The following BCAS3 variants were observed in gnomAD, a reference collection of about 807,000 sequenced individuals.
The protein encoded by BCAS3 is BCAS3 microtubule associated cell migration factor, also known as BCAS4/BCAS3 fusion.
Under a neutral mutation model 116.1 loss-of-function variants are expected in BCAS3, and 53 were observed. That is an observed-to-expected ratio of 0.46 (90% CI 0.37 to 0.57). The LOEUF (loss-of-function observed/expected upper bound fraction) is 0.57, where lower values mean the gene tolerates loss of function less well. BCAS3 is among the 20% of genes least tolerant of loss of function. The pLI is 0.00. For missense variants in BCAS3, 917 were observed against 1,165.4 expected (o/e 0.79, Z 3.10); for synonymous variants, 391 against 408.2 (o/e 0.96, Z 0.51).
At chr17:60,897,592 G>C (rs1301231451) in intron 10 of BCAS3, among the ~76,000 whole-genome samples, 1 of 151,934 alleles carries the variant, frequency 6.6e-6, no homozygotes, top group South Asian at 2.1e-4. Flanking sequence ...TAATGTCTTC[G>C]CTTATTTTTA....
intron 10 of BCAS3, among the ~76,000 whole-genome samples, chr17:60,895,327 G>T (rs773307129): frequency 6.6e-6 from 1 of 152,080 alleles, no homozygotes; most frequent in Non-Finnish European, 1.5e-5. Flanking sequence ...TTTCCTCTAG[G>T]TTTTTCAGAT....
rs904365179 is a variant in BCAS3, at chr17:61,019,227, G to C, written c.1637+3326G>C. Among the ~76,000 whole-genome samples, 1 of 152,174 alleles carries C rather than the reference G, an allele frequency of 6.6e-6. No individual in the cohort carries two copies. Among genetic ancestry groups the C allele is most frequent in the Non-Finnish European group, 1.5e-5 (1 of 68,032 alleles). On this transcript the variant is annotated intron_variant, in intron 16 of 23. Coordinates refer to ENST00000407086, the MANE Select transcript of BCAS3 (RefSeq NM_017679.5). This position sits in a 1 kb window ranked among gnomAD's most constrained non-coding sequence, Gnocchi z 5.6. ...CATCGGCATTAGATTCTCGTTAAGA[G>C]TGCAAACCCTATTGTTGTGAACTAC...
intron 7 of BCAS3, among the ~76,000 whole-genome samples, chr17:60,831,014 G>A (rs539047389): frequency 2.0e-5 from 3 of 152,172 alleles, no homozygotes; most frequent in African/African-American, 7.2e-5. Flanking sequence ...TGGGACTACA[G>A]GTGTGTCCCA....
chr17:61,070,261 G>C (rs192870774), intron 19 of BCAS3: 188 of 1,483,258 alleles, frequency 1.3e-4, no homozygotes, highest in Non-Finnish European at 1.6e-4. Flanking sequence ...GATTTGGCCT[G>C]ATGGAGAGAA....
In BCAS3 at chr17:60,814,160, G is replaced by A. The variant is rs191362291; in HGVS notation, c.476+6084G>A. On this transcript the variant is annotated intron_variant, in intron 7 of 23. Coordinates refer to ENST00000407086, the MANE Select transcript of BCAS3 (RefSeq NM_017679.5). The stretch of plus-strand genomic sequence containing the variant: ...CAATATTTATTCTTCCAATCCATGA[G>A]CATAGAATGTTTTTCCATTTGTTTG... Among the ~76,000 whole-genome samples the A allele has an allele frequency of 3.6e-3, 544 of 152,158 alleles. 3 individuals carry two copies. The highest frequency in any genetic ancestry group is 0.013 in the African/African-American group (525 of 41,520).
chr17:61,237,123 T>C (rs2083122628), intron 22 of BCAS3, among the ~76,000 whole-genome samples: 1 of 152,208 alleles, frequency 6.6e-6, no homozygotes, highest in South Asian at 2.1e-4. Flanking sequence ...GCTGGACTTC[T>C]GGGTAGAGTG....
At chr17:61,223,284 A>G (rs1054616771) in intron 22 of BCAS3, among the ~76,000 whole-genome samples, 3 of 148,638 alleles carry the variant, frequency 2.0e-5, no homozygotes, top group Non-Finnish European at 3.0e-5. Context: ...CAGCCCCCCA[A>G]TAGCTGGGAT....
chr17:61,376,568 T>C lies in BCAS3; in HGVS notation c.2593+8074T>C, dbSNP rs2059351345. 6.6e-6 allele frequency among the ~76,000 whole-genome samples: 1 copy of C among 152,216 alleles called. No individual in the cohort carries two copies. The highest frequency in any genetic ancestry group is 6.5e-5 in the Admixed American group (1 of 15,282). On this transcript the variant is annotated intron_variant, in intron 23 of 23. Transcript: ENST00000407086. The surrounding 1 kb of genome is among the most constrained non-coding windows in gnomAD (Gnocchi z 4.5). ...GCCGCCCATGAGACCCAGTCTTGTC[T>C]TTTAATTTTTTCCTCCAAGCCTTAC...
At chr17:60,955,154 C>T (rs2061052463) in intron 14 of BCAS3, among the ~76,000 whole-genome samples, 1 of 152,100 alleles carries the variant, frequency 6.6e-6, no homozygotes, top group Non-Finnish European at 1.5e-5. Context: ...AGGCCTTCCA[C>T]TAAGGCAGAT....
chr17:61,053,425 A>G (rs1009941565), intron 19 of BCAS3, among the ~76,000 whole-genome samples: 5 of 152,134 alleles, frequency 3.3e-5, no homozygotes, highest in African/African-American at 7.2e-5. Flanking sequence ...GCTGTTATCA[A>G]CTCCACTCCC....
chr17:61,112,723 T>A (rs1168004593), intron 22 of BCAS3, among the ~76,000 whole-genome samples: 3 of 149,866 alleles, frequency 2.0e-5, no homozygotes, highest in Non-Finnish European at 4.5e-5. Flanking sequence ...AACTCAGCTC[T>A]GCACCAAGCG....
At position 61,330,209 on chromosome 17, in the gene BCAS3, C is replaced by A. The variant is rs578212798; in HGVS notation, c.2426-38118C>A. Among the ~76,000 whole-genome samples the A allele has an allele frequency of 2.6e-5, 4 of 152,160 alleles. No individual in the cohort carries two copies. The South Asian group carries it at 6.2e-4, about 24-fold the overall frequency. On this transcript the variant is annotated intron_variant, in intron 22 of 23. Coordinates refer to ENST00000407086, the MANE Select transcript of BCAS3 (RefSeq NM_017679.5). ...GTTTCTTCCTACCTTCCTTCCCTTC[C>A]CTTTTCTCTCCACCTCTTCTCTCCC...
At chr17:61,386,061 C>T (rs1462829296) in intron 23 of BCAS3, among the ~76,000 whole-genome samples, 3 of 152,198 alleles carry the variant, frequency 2.0e-5, no homozygotes, top group Non-Finnish European at 4.4e-5. Context: ...TAGTAACTCA[C>T]ATTTGCTGAC....
In BCAS3 at chr17:61,067,766, C is replaced by T. The variant is rs556065980; in HGVS notation, c.2030-7154C>T. Among the ~76,000 whole-genome samples the T allele has an allele frequency of 1.7e-4, 25 of 147,546 alleles. No individual in the cohort carries two copies. The East Asian group carries it at 4.9e-3, about 29-fold the overall frequency. On this transcript the variant is annotated intron_variant, in intron 19 of 23. Coordinates refer to ENST00000407086, the MANE Select transcript of BCAS3 (RefSeq NM_017679.5). Reference sequence around the variant, plus strand: ...ATATATATATATATATAGAAACACACACATGTATACACAGAAGCCCATATA... The same window carrying T: ...ATATATATATATATATAGAAACACATACATGTATACACAGAAGCCCATATA...
chr17:60,926,160 GT>G (rs2059358189), intron 13 of BCAS3, among the ~76,000 whole-genome samples: 1 of 151,954 alleles, frequency 6.6e-6, no homozygotes, highest in Non-Finnish European at 1.5e-5. Context: ...GAGGATTTTG[GT>G]TTTTCAGATT....
Position 61,307,127 on chromosome 17 carries a change from C to T in BCAS3, c.2426-61200C>T, listed in dbSNP as rs2053916591. On this transcript the variant is annotated intron_variant, in intron 22 of 23. Coordinates refer to ENST00000407086, the MANE Select transcript of BCAS3 (RefSeq NM_017679.5). This position sits in a 1 kb window ranked among gnomAD's most constrained non-coding sequence, Gnocchi z 4.7. The stretch of plus-strand genomic sequence containing the variant: ...TTTCTTTTACTGCTTCCCCACAAAC[C>T]GTAGAATGAGAAAAGGATGATTGAA... Among the ~76,000 whole-genome samples the T allele has an allele frequency of 6.6e-6, 1 of 152,168 alleles. No individual in the cohort carries two copies.
At chr17:61,080,586 AAAAAAATAC>A (rs1270277250) in intron 21 of BCAS3, among the ~76,000 whole-genome samples, 17 of 151,898 alleles carry the variant, frequency 1.1e-4, no homozygotes, top group Non-Finnish European at 1.8e-4. Flanking sequence ...AAACCCTACC[AAAAAAATAC>A]AAAAAATACA....
rs948243824 is a variant in BCAS3, at chr17:61,363,066, A to G, written c.2426-5261A>G. On this transcript the variant is annotated intron_variant, in intron 22 of 23. Transcript: ENST00000407086. The surrounding 1 kb of genome is among the most constrained non-coding windows in gnomAD (Gnocchi z 4.9). ...GCCTATTTTCATTATGGAGGAATTC[A>G]TGCCCTCGGGAGCTTCTAAACTAGT... Among the ~76,000 whole-genome samples, 3 of 152,182 alleles carry G rather than the reference A, an allele frequency of 2.0e-5. No individual in the cohort carries two copies. The highest frequency in any genetic ancestry group is 1.3e-4 in the Admixed American group (2 of 15,270).
rs1046793853 is a variant in BCAS3, at chr17:61,366,746, C to G, written c.2426-1581C>G. On this transcript the variant is annotated intron_variant, in intron 22 of 23. Coordinates refer to ENST00000407086, the MANE Select transcript of BCAS3 (RefSeq NM_017679.5). The surrounding 1 kb of genome is among the most constrained non-coding windows in gnomAD (Gnocchi z 4.5). ...GTGGGCCTCTTCTTGGGGAGATGCCCTTATAGATGCTGCCCATTCTCCCAG... is the reference window on the plus strand; with the variant it reads ...GTGGGCCTCTTCTTGGGGAGATGCCGTTATAGATGCTGCCCATTCTCCCAG... 1.3e-5 allele frequency among the ~76,000 whole-genome samples: 2 copies of G among 152,216 alleles called. No individual in the cohort carries two copies. Among genetic ancestry groups the G allele is most frequent in the Non-Finnish European group, 2.9e-5 (2 of 68,042 alleles).
Sources: allele counts gnomAD v4.1 joint callset (sites outside exome capture counted in the v4.1 genomes callset), GRCh38; gene constraint gnomAD v4.1.1; non-coding constraint Gnocchi (gnomAD v3.1); transcripts MANE v1.5; gene names NCBI Gene and HGNC (gene_info 2026-07-23, HGNC 2026-07-21).